PTPRD: variants seen among roughly 807,000 people sequenced by gnomAD.
The protein encoded by PTPRD is receptor-type tyrosine-protein phosphatase delta.
A neutral mutation model predicts 214.5 loss-of-function variants in PTPRD; 34 were observed. The observed-to-expected ratio is 0.16, with a 90% CI of 0.12 to 0.21. The LOEUF (loss-of-function observed/expected upper bound fraction) is 0.21. PTPRD is among the 10% of genes least tolerant of loss of function. The pLI is 1.00. For synonymous variants in PTPRD, 1,128 were observed against 845.7 expected, an observed-to-expected ratio of 1.33 and a Z score of -5.79; for missense variants, 2,545 against 2,398.7, an observed-to-expected ratio of 1.06 and a Z score of -1.27.
intron 7 of PTPRD, among the ~76,000 whole-genome samples, chr9:9,680,472 C>T (rs546286752): frequency 1.3e-5 from 2 of 151,734 alleles, no homozygotes; most frequent in Non-Finnish European, 1.5e-5. Context: ...AACACAAATT[C>T]TTTTATCATA....
chr9:9,995,975 T>A (rs2096108415), intron 4 of PTPRD, among the ~76,000 whole-genome samples: 1 of 152,180 alleles, frequency 6.6e-6, no homozygotes, highest in South Asian at 2.1e-4. Flanking sequence ...TTGTATAAAT[T>A]TCTTTTTTCT....
chr9:9,908,779 T>C (rs1485299389), intron 5 of PTPRD, among the ~76,000 whole-genome samples: 1 of 152,000 alleles, frequency 6.6e-6, no homozygotes, highest in Non-Finnish European at 1.5e-5. Flanking sequence ...TATTTATCTA[T>C]GAAACTTATC....
chr9:9,606,245 G>A (rs906172877), intron 7 of PTPRD, among the ~76,000 whole-genome samples: 13 of 151,996 alleles, frequency 8.6e-5, no homozygotes, highest in African/African-American at 2.7e-4. Context: ...ATCCTTTATC[G>A]ATGGAGATGT....
At chr9:10,052,793 T>A (rs1229711649) in intron 3 of PTPRD, among the ~76,000 whole-genome samples, 5 of 152,096 alleles carry the variant, frequency 3.3e-5, no homozygotes, top group African/African-American at 1.2e-4. Flanking sequence ...ATCCAACTAT[T>A]CATCTACTCT....
chr9:10,143,557 G>T (rs2099002079), intron 3 of PTPRD, among the ~76,000 whole-genome samples: 1 of 146,764 alleles, frequency 6.8e-6, no homozygotes, highest in Admixed American at 6.9e-5. Context: ...TTCCATTACT[G>T]GGTATATACA....
intron 3 of PTPRD, among the ~76,000 whole-genome samples, chr9:10,248,859 C>T (rs896663509): frequency 7.5e-6 from 1 of 133,602 alleles, no homozygotes; most frequent in Non-Finnish European, 1.7e-5. Context: ...GCTTCTTATG[C>T]ACAGAGGTGA....
At chr9:9,150,652 T>C (rs1375689759) in intron 10 of PTPRD, among the ~76,000 whole-genome samples, 12 of 151,892 alleles carry the variant, frequency 7.9e-5, no homozygotes, top group Non-Finnish European at 1.6e-4. Flanking sequence ...CTAATTTTTG[T>C]ATTTTCAGTA....
chr9:9,260,322 T>C (rs77436144), intron 9 of PTPRD, among the ~76,000 whole-genome samples: 10,800 of 151,834 alleles, frequency 0.071, 492 homozygotes, highest in Middle Eastern at 0.16. Flanking sequence ...CAAAGACTAC[T>C]GTAAAGGGAC....
intron 2 of PTPRD, among the ~76,000 whole-genome samples, chr9:10,454,627 C>T (rs1225844809): frequency 1.3e-5 from 2 of 151,614 alleles, no homozygotes; most frequent in African/African-American, 4.8e-5. Context: ...TCTTCTCTCC[C>T]ATAGTTCTTG....
intron 9 of PTPRD, among the ~76,000 whole-genome samples, chr9:9,238,928 A>G (rs1306323192): frequency 4.6e-5 from 7 of 152,094 alleles, no homozygotes. Flanking sequence ...ACTTCCCTAT[A>G]CCATTCCAAG....
chr9:10,538,026 G>A (rs937419870), intron 2 of PTPRD, among the ~76,000 whole-genome samples: 14 of 151,954 alleles, frequency 9.2e-5, no homozygotes, highest in African/African-American at 3.4e-4. Context: ...ATAAAACCCA[G>A]CTCCTTGATG....
At chr9:9,130,606 C>T (rs1434271590) in intron 10 of PTPRD, among the ~76,000 whole-genome samples, 1 of 152,126 alleles carries the variant, frequency 6.6e-6, no homozygotes, top group Non-Finnish European at 1.5e-5. Flanking sequence ...TTATTGTTCT[C>T]TTATTGAGAC....
intron 3 of PTPRD, among the ~76,000 whole-genome samples, chr9:10,297,561 C>T (rs902098374): frequency 6.8e-6 from 1 of 147,266 alleles, no homozygotes; most frequent in African/African-American, 2.6e-5. Context: ...AGAGATGGCA[C>T]ATCTCTGTAA....
In PTPRD at chr9:9,977,385, A is replaced by T. The variant is rs551495681; in HGVS notation, c.-471-38775T>A. Among the ~76,000 whole-genome samples the T allele has an allele frequency of 4.6e-5, 7 of 152,312 alleles. No homozygotes were observed. The South Asian group carries it at 1.2e-3, about 27-fold the overall frequency. On this transcript the variant is annotated intron_variant, in intron 4 of 45. Coordinates refer to ENST00000381196, the MANE Select transcript of PTPRD (RefSeq NM_002839.4). ...ATAAATATAATGTGAGATTTCAAAC[A>T]TATTTCTGAAGGAGGAGAGCCTAGA...
rs190654541 is a variant in PTPRD at position 9,242,210 on chromosome 9, A to C, written c.-202-58847T>G. 4.1e-3 allele frequency among the ~76,000 whole-genome samples: 627 copies of C among 152,290 alleles called. 2 individuals are homozygous for C. Among genetic ancestry groups the C allele is most frequent in the African/African-American group, 0.014 (601 of 41,550 alleles). On this transcript the variant is annotated intron_variant, in intron 9 of 45. Coordinates refer to ENST00000381196, the MANE Select transcript of PTPRD (RefSeq NM_002839.4). ...TGGCTTGTAGAGTTTCTGCCGAGAAATCAGCTGTTAGTCTGATGGGCTTCC... is the reference window on the plus strand; with the variant it reads ...TGGCTTGTAGAGTTTCTGCCGAGAACTCAGCTGTTAGTCTGATGGGCTTCC...
intron 6 of PTPRD, among the ~76,000 whole-genome samples, chr9:9,763,553 T>C (rs2098679909): frequency 6.6e-6 from 1 of 152,174 alleles, no homozygotes; most frequent in African/African-American, 2.4e-5. Flanking sequence ...CTTATTATTT[T>C]GTTTCCCATT....
chr9:10,131,839 T>G (rs978437765), intron 3 of PTPRD, among the ~76,000 whole-genome samples: 1 of 152,302 alleles, frequency 6.6e-6, no homozygotes, highest in South Asian at 2.1e-4. Context: ...AATTCACACC[T>G]GTTTGGAGAT....
chr9:9,874,484 A>G (rs1009684944), intron 5 of PTPRD, among the ~76,000 whole-genome samples: 2 of 152,186 alleles, frequency 1.3e-5, no homozygotes, highest in Non-Finnish European at 2.9e-5. Flanking sequence ...GTTAAATGTA[A>G]GCAGGACTTA....
At chr9:9,792,947 G>A (rs906753793) in intron 5 of PTPRD, among the ~76,000 whole-genome samples, 2 of 151,978 alleles carry the variant, frequency 1.3e-5, no homozygotes, top group Non-Finnish European at 2.9e-5. Context: ...ATAGACTTGG[G>A]CAAACAGGTA....
Sources: allele counts gnomAD v4.1 joint callset (sites outside exome capture counted in the v4.1 genomes callset), GRCh38; gene constraint gnomAD v4.1.1; transcripts MANE v1.5; gene names NCBI Gene and HGNC (gene_info 2026-07-23, HGNC 2026-07-21).